The following ZFYVE9 variants were observed in gnomAD, a reference collection of about 807,000 sequenced individuals.
ZFYVE9 encodes zinc finger FYVE domain-containing protein 9.
Under a neutral mutation model 126.7 loss-of-function variants are expected in ZFYVE9, and 43 were observed. That is an observed-to-expected ratio of 0.34 (90% CI 0.27 to 0.44). The LOEUF is 0.44. Among genes scored for constraint, ZFYVE9 ranks in the 20% least tolerant of loss-of-function variants. ZFYVE9 has a pLI of 1.00. For missense variants in ZFYVE9, 1,476 were observed against 1,697.0 expected (o/e 0.87, Z 2.29); for synonymous variants, 521 against 597.4 (o/e 0.87, Z 1.87).
At chr1:52,178,811 AT>A (rs556425121) in intron 1 of ZFYVE9, among the ~76,000 whole-genome samples, 5 of 151,860 alleles carry the variant, frequency 3.3e-5, no homozygotes, top group Middle Eastern at 6.8e-3. Flanking sequence ...TCAAGAGATA[AT>A]TACTTATTTA....
intron 13 of ZFYVE9, among the ~76,000 whole-genome samples, chr1:52,321,774 A>G (rs553879293): frequency 6.6e-6 from 1 of 152,068 alleles, no homozygotes; most frequent in African/African-American, 2.4e-5. Context: ...GAAGTTCTGG[A>G]CTCCTAGGGC....
intron 2 of ZFYVE9, among the ~76,000 whole-genome samples, chr1:52,222,626 A>G (rs1295792658): frequency 6.6e-6 from 1 of 152,188 alleles, no homozygotes; most frequent in Non-Finnish European, 1.5e-5. Context: ...AAGGCTTTCA[A>G]TTATATGTTT....
chr1:52,160,520 C>T (rs1644447575), intron 1 of ZFYVE9: 1 of 779,880 alleles, frequency 1.3e-6, no homozygotes, highest in Non-Finnish European at 2.4e-6. Context: ...AGCCACCACG[C>T]TGATGCCCCA....
intron 2 of ZFYVE9, among the ~76,000 whole-genome samples, chr1:52,226,963 A>G (rs1645175996): frequency 1.3e-5 from 2 of 152,244 alleles, no homozygotes; most frequent in Admixed American, 1.3e-4. Context: ...AGCAGTTCCC[A>G]GCTTGACTTT....
At chr1:52,207,108 C>T (rs1278550189) in intron 1 of ZFYVE9, among the ~76,000 whole-genome samples, 2 of 152,182 alleles carry the variant, frequency 1.3e-5, no homozygotes, top group African/African-American at 2.4e-5. Flanking sequence ...TTTAGGCATT[C>T]CTTGTCCCAG....
chr1:52,160,315 T>C (rs2093714618), intron 1 of ZFYVE9: 9 of 1,085,700 alleles, frequency 8.3e-6, no homozygotes, highest in Non-Finnish European at 1.0e-5. Flanking sequence ...GTTCAAAGGC[T>C]TTGTTGATTT....
chr1:52,205,249 A>G (rs1644966974), intron 1 of ZFYVE9, among the ~76,000 whole-genome samples: 1 of 150,832 alleles, frequency 6.6e-6, no homozygotes, highest in Admixed American at 6.6e-5. Context: ...CTATTTTTGT[A>G]TTTTTTGTAG....
chr1:52,159,223 C>T (rs551431997), intron 1 of ZFYVE9, among the ~76,000 whole-genome samples: 1 of 152,294 alleles, frequency 6.6e-6, no homozygotes, highest in Non-Finnish European at 1.5e-5. Context: ...TGTGCCAGGG[C>T]CTGTCATGCC....
At chr1:52,266,560 T>C in intron 5 of ZFYVE9, 95 bp from the exon 6 acceptor site, 1 of 1,095,838 alleles carries the variant, frequency 9.1e-7, no homozygotes, top group Non-Finnish European at 1.3e-6. Context: ...TGAGTATTAA[T>C]TAGGAGAAGC....
At chr1:52,290,534 T>C (rs1645908561) in intron 10 of ZFYVE9, among the ~76,000 whole-genome samples, 2 of 152,134 alleles carry the variant, frequency 1.3e-5, no homozygotes, top group African/African-American at 2.4e-5. Flanking sequence ...AAAAAATTTT[T>C]TTCTCTTTGA....
intron 1 of ZFYVE9, among the ~76,000 whole-genome samples, chr1:52,148,959 T>C: frequency 9.3e-6 from 1 of 107,834 alleles, no homozygotes; most frequent in Non-Finnish European, 1.8e-5. Flanking sequence ...TTTTTTTTTT[T>C]TTTTTTTTTT....
chr1:52,313,946 A>G (rs987505828), intron 13 of ZFYVE9, among the ~76,000 whole-genome samples: 2 of 152,252 alleles, frequency 1.3e-5, no homozygotes, highest in Non-Finnish European at 2.9e-5. Flanking sequence ...AGGCTGAAAA[A>G]TTAAATAAAC....
chr1:52,346,043 TTCTC>T lies in ZFYVE9; in HGVS notation c.4117-13_4117-10del. ...CTCTGTTCAGTAACCTCTCCTCCTT[TTCTC>T]TCTGTGGTATAGGTTGGCTATCAAG... On this transcript the variant is annotated splice_polypyrimidine_tract_variant and intron_variant, in intron 18 of 18. Coordinates refer to ENST00000287727, the MANE Select transcript of ZFYVE9 (RefSeq NM_004799.4). The T allele has an allele frequency of 1.3e-6, 2 of 1,565,630 alleles. No individual in the cohort carries two copies. Among genetic ancestry groups the T allele is most frequent in the Non-Finnish European group, 1.7e-6 (2 of 1,150,844 alleles).
chr1:52,256,111 G>A (rs1645516490), intron 4 of ZFYVE9, among the ~76,000 whole-genome samples: 1 of 148,336 alleles, frequency 6.7e-6, no homozygotes, highest in Non-Finnish European at 1.5e-5. Context: ...TGTCTTCCAG[G>A]CTGGAGTGCA....
chr1:52,295,989 A>T lies in ZFYVE9; in HGVS notation c.3333+12A>T, dbSNP rs767685112. 8.1e-6 allele frequency: 13 copies of T among 1,610,664 alleles called. No individual in the cohort carries two copies. The highest frequency in any genetic ancestry group is 2.5e-6 in the Non-Finnish European group (3 of 1,178,356). On this transcript the variant is annotated intron_variant, in intron 12 of 18. Coordinates refer to ENST00000287727, the MANE Select transcript of ZFYVE9 (RefSeq NM_004799.4). ...TGAATCTTCTTGCAGTAAGTTGGGA[A>T]TTTTTTTTCCTTTGTCCTTACTGGA...
intron 2 of ZFYVE9, among the ~76,000 whole-genome samples, chr1:52,230,001 G>C (rs1421797204): frequency 6.6e-6 from 1 of 151,918 alleles, no homozygotes; most frequent in African/African-American, 2.4e-5. Flanking sequence ...CTGAGTAGCT[G>C]GGACTACAGG....
chr1:52,308,711 C>T (rs934267842), intron 13 of ZFYVE9, among the ~76,000 whole-genome samples: 11 of 152,158 alleles, frequency 7.2e-5, no homozygotes, highest in Non-Finnish European at 1.6e-4. Context: ...TTCACATATA[C>T]TTTGATTTAA....
At chr1:52,247,349 T>G (rs369821301) in intron 4 of ZFYVE9, among the ~76,000 whole-genome samples, 29 of 152,342 alleles carry the variant, frequency 1.9e-4, no homozygotes, top group African/African-American at 6.5e-4. Flanking sequence ...TCTAGTCTGC[T>G]GATACATTCT....
At chr1:52,234,269 A>G (rs543543183) in intron 3 of ZFYVE9, among the ~76,000 whole-genome samples, 2 of 152,288 alleles carry the variant, frequency 1.3e-5, no homozygotes, top group African/African-American at 4.8e-5. Flanking sequence ...ATTCCAGTCC[A>G]GGCAACATGA....
Sources: allele counts gnomAD v4.1 joint callset (sites outside exome capture counted in the v4.1 genomes callset), GRCh38; gene constraint gnomAD v4.1.1; transcripts MANE v1.5; gene names NCBI Gene and HGNC (gene_info 2026-07-23, HGNC 2026-07-21).